The following RNGTT variants were observed in gnomAD, a reference collection of about 807,000 sequenced individuals.
The protein encoded by RNGTT is mRNA-capping enzyme.
RNGTT carries 33 observed loss-of-function variants against 79.3 expected under a neutral mutation model. The ratio of observed to expected loss-of-function variants is 0.42; its 90% CI spans 0.32 to 0.56. The LOEUF (loss-of-function observed/expected upper bound fraction) is 0.56. RNGTT is among the 20% of genes least tolerant of loss of function. RNGTT has a pLI of 0.17. For missense variants in RNGTT, 497 were observed against 739.1 expected (o/e 0.67, Z 3.80); for synonymous variants, 222 against 235.9 (o/e 0.94, Z 0.54).
At chr6:88,787,381 C>A (rs1239655842) in intron 12 of RNGTT, among the ~76,000 whole-genome samples, 1 of 152,076 alleles carries the variant, frequency 6.6e-6, no homozygotes, top group African/African-American at 2.4e-5. Context: ...AAAGATTGGG[C>A]CAGGCGTGGT....
intron 13 of RNGTT, among the ~76,000 whole-genome samples, chr6:88,692,742 T>C (rs920513813): frequency 4.6e-5 from 7 of 152,234 alleles, no homozygotes; most frequent in East Asian, 3.9e-4. Context: ...TAAAAACTGA[T>C]TAACTTGCAA....
chr6:88,809,864 C>A (rs995390802), intron 11 of RNGTT, among the ~76,000 whole-genome samples: 2 of 151,964 alleles, frequency 1.3e-5, no homozygotes, highest in African/African-American at 2.4e-5. Context: ...GCCTGGGCAA[C>A]ATAGTGAGAC....
At chr6:88,635,227 T>C (rs1773055838) in intron 14 of RNGTT, among the ~76,000 whole-genome samples, 2 of 152,110 alleles carry the variant, frequency 1.3e-5, no homozygotes, top group Non-Finnish European at 2.9e-5. Context: ...AGTATATGTA[T>C]TATGTATATG....
At chr6:88,843,456 C>T (rs1781370370) in intron 11 of RNGTT, among the ~76,000 whole-genome samples, 1 of 150,644 alleles carries the variant, frequency 6.6e-6, no homozygotes, top group African/African-American at 2.4e-5. Context: ...AATCTCTATA[C>T]ACTGACATGG....
Position 88,941,186 on chromosome 6 carries a change from C to A in RNGTT, c.65-6G>T, listed in dbSNP as rs1381307587. ...CTTCAGAGGTAAGAATCTTCCTAAA[C>A]AACACAGATAGGTAATCATTTCCAT... On this transcript the variant is annotated splice_region_variant and splice_polypyrimidine_tract_variant and intron_variant, in intron 1 of 15. Transcript: ENST00000369485. 1.4e-6 allele frequency: 2 copies of A among 1,476,718 alleles called. No individual in the cohort carries two copies. Among genetic ancestry groups the A allele is most frequent in the Admixed American group, 1.8e-5 (1 of 55,986 alleles). 91.5% of individuals were successfully genotyped at this position (1,476,718 alleles called of 1,614,324 possible).
At chr6:88,846,448 C>A (rs150993139) in intron 10 of RNGTT, among the ~76,000 whole-genome samples, 208 of 152,190 alleles carry the variant, frequency 1.4e-3, no homozygotes, top group African/African-American at 4.8e-3. Flanking sequence ...CCTTACCATC[C>A]GTCAAGTATA....
chr6:88,735,957 A>T (rs1777271709), intron 13 of RNGTT, among the ~76,000 whole-genome samples: 1 of 152,156 alleles, frequency 6.6e-6, no homozygotes, highest in Admixed American at 6.6e-5. Context: ...AGAAAAAAAC[A>T]GAAGGCATAC....
rs142963075 is a variant in RNGTT at position 88,642,496 on chromosome 6, C to T, written c.1507-28101G>A. Among the ~76,000 whole-genome samples, 26 of 152,290 alleles carry T rather than the reference C, an allele frequency of 1.7e-4. 1 individual carries two copies. The highest frequency in any genetic ancestry group is 5.3e-4 in the African/African-American group (22 of 41,572). ...ACTGAAGTAAGTATATACAGTCTGA[C>T]ATTTCTATAGAGGTTCTTCTTTAAA... On this transcript the variant is annotated intron_variant, in intron 14 of 15. Coordinates refer to ENST00000369485, the MANE Select transcript of RNGTT (RefSeq NM_003800.5).
intron 14 of RNGTT, among the ~76,000 whole-genome samples, chr6:88,637,700 T>C (rs1312398277): frequency 6.6e-6 from 1 of 152,050 alleles, no homozygotes; most frequent in African/African-American, 2.4e-5. Context: ...AAAAAGAAAG[T>C]GCATCTGAGA....
chr6:88,895,735 C>A (rs1182201857), intron 6 of RNGTT, among the ~76,000 whole-genome samples: 1 of 152,154 alleles, frequency 6.6e-6, no homozygotes. Context: ...GCTTTTCCAA[C>A]CATAAATGTA....
intron 12 of RNGTT, among the ~76,000 whole-genome samples, chr6:88,785,290 G>A (rs1369530738): frequency 6.6e-6 from 1 of 151,722 alleles, no homozygotes; most frequent in African/African-American, 2.4e-5. Flanking sequence ...ATCATCATTA[G>A]CAATTCCTTT....
intron 1 of RNGTT, among the ~76,000 whole-genome samples, chr6:88,949,213 C>T (rs1785159759): frequency 7.5e-6 from 1 of 133,352 alleles, no homozygotes. Context: ...GTTACAAGTG[C>T]TACTCCAGTG....
intron 8 of RNGTT, among the ~76,000 whole-genome samples, chr6:88,861,343 T>C (rs765189546): frequency 2.6e-5 from 4 of 152,122 alleles, no homozygotes; most frequent in African/African-American, 4.8e-5. Context: ...CCAACACCTG[T>C]CATGTGTTCA....
intron 8 of RNGTT, among the ~76,000 whole-genome samples, chr6:88,879,304 G>A (rs971125752): frequency 6.6e-6 from 1 of 152,192 alleles, no homozygotes; most frequent in Non-Finnish European, 1.5e-5. Context: ...TGAGGCAGGA[G>A]AATCACTTGA....
At chr6:88,636,419 A>G (rs1773101737) in intron 14 of RNGTT, among the ~76,000 whole-genome samples, 3 of 152,104 alleles carry the variant, frequency 2.0e-5, no homozygotes, top group African/African-American at 7.2e-5. Context: ...AGGAGGTCAC[A>G]GATAGTGTTT....
intron 12 of RNGTT, among the ~76,000 whole-genome samples, chr6:88,794,295 G>A (rs1779520363): frequency 6.6e-6 from 1 of 152,128 alleles, no homozygotes; most frequent in South Asian, 2.1e-4. Context: ...AGAATTTAAA[G>A]AAAGCCACTG....
chr6:88,719,490 CT>C (rs1202216390), intron 13 of RNGTT, among the ~76,000 whole-genome samples: 6 of 152,184 alleles, frequency 3.9e-5, no homozygotes, highest in African/African-American at 1.4e-4. Flanking sequence ...GATTACAGTA[CT>C]TTAATACCTG....
At chr6:88,704,264 A>AAACAAC (rs1207129320) in intron 13 of RNGTT, among the ~76,000 whole-genome samples, 1 of 120,718 alleles carries the variant, frequency 8.3e-6, no homozygotes, top group African/African-American at 3.8e-5. Context: ...TGTCTCAAAA[A>AAACAAC]AAAAAAAAAA....
At chr6:88,860,447 A>C (rs1781975570) in intron 8 of RNGTT, among the ~76,000 whole-genome samples, 1 of 152,150 alleles carries the variant, frequency 6.6e-6, no homozygotes, top group Non-Finnish European at 1.5e-5. Context: ...TCCTTTCCCA[A>C]AACTTTTAAC....
Sources: allele counts gnomAD v4.1 joint callset (sites outside exome capture counted in the v4.1 genomes callset), GRCh38; gene constraint gnomAD v4.1.1; transcripts MANE v1.5; gene names NCBI Gene and HGNC (gene_info 2026-07-23, HGNC 2026-07-21).